The following CTTNBP2 variants were observed in gnomAD, a reference collection of about 807,000 sequenced individuals.
CTTNBP2 encodes cortactin binding protein 2, also known as cortactin-binding protein 2.
CTTNBP2 carries 108 observed loss-of-function variants against 156.9 expected under a neutral mutation model. That is an observed-to-expected ratio of 0.69 (90% CI 0.59 to 0.81). CTTNBP2 has a LOEUF of 0.81. Ranked by LOEUF, CTTNBP2 falls within the 30% of genes least tolerant of loss-of-function variation. The pLI is 0.00. For synonymous variants in CTTNBP2, 767 were observed against 751.8 expected (o/e 1.02, Z -0.33); for missense variants, 1,924 against 2,035.4 (o/e 0.95, Z 1.05).
chr7:117,869,391 T>C (rs1375607312), intron 1 of CTTNBP2, among the ~76,000 whole-genome samples: 2 of 152,220 alleles, frequency 1.3e-5, no homozygotes, highest in African/African-American at 2.4e-5. Flanking sequence ...TGAGCTTCTT[T>C]TCATTTTCTT....
chr7:117,769,363 A>C lies in CTTNBP2; in HGVS notation c.2779-2187T>G, dbSNP rs34918603. 1.5e-3 allele frequency among the ~76,000 whole-genome samples: 235 copies of C among 152,322 alleles called. 1 individual carries two copies. The highest frequency in any genetic ancestry group is 4.7e-3 in the African/African-American group (194 of 41,586). The stretch of plus-strand genomic sequence containing the variant: ...AGACAGAACCTTCTTGGATGGTGGA[A>C]GGATAGGAAACTGGGCCTTGGGTTT... On this transcript the variant is annotated intron_variant, in intron 8 of 22. Coordinates refer to ENST00000160373, the MANE Select transcript of CTTNBP2 (RefSeq NM_033427.3).
chr7:117,768,581 A>AAAGAAAGAAAG (rs1554419707), intron 8 of CTTNBP2, among the ~76,000 whole-genome samples: 4 of 99,112 alleles, frequency 4.0e-5, no homozygotes, highest in African/African-American at 1.4e-4. Flanking sequence ...AAAAAAAAAA[A>AAAGAAAGAAAG]AAAGAAAGAA....
At chr7:117,806,265 T>C (rs913238837) in intron 3 of CTTNBP2, among the ~76,000 whole-genome samples, 1 of 152,154 alleles carries the variant, frequency 6.6e-6, no homozygotes. Context: ...ACCAAACACA[T>C]GGTTTTATAG....
chr7:117,810,427 A>C (rs373891290), intron 3 of CTTNBP2, among the ~76,000 whole-genome samples: 11 of 152,350 alleles, frequency 7.2e-5, no homozygotes, highest in African/African-American at 2.6e-4. Flanking sequence ...TGGTTGCATC[A>C]CTGGATTAAC....
intron 4 of CTTNBP2, among the ~76,000 whole-genome samples, chr7:117,785,393 T>C (rs899877997): frequency 5.9e-5 from 9 of 152,188 alleles, no homozygotes; most frequent in African/African-American, 9.6e-5. Flanking sequence ...ATATAGATAT[T>C]TGTGTATTTT....
intron 3 of CTTNBP2, among the ~76,000 whole-genome samples, chr7:117,802,922 T>C (rs954700148): frequency 1.3e-5 from 2 of 152,194 alleles, no homozygotes; most frequent in African/African-American, 4.8e-5. Context: ...AGGACACTTA[T>C]ACACTGTCGG....
At chr7:117,807,696 T>G (rs1489328282) in intron 3 of CTTNBP2, among the ~76,000 whole-genome samples, 1 of 152,136 alleles carries the variant, frequency 6.6e-6, no homozygotes, top group Non-Finnish European at 1.5e-5. Flanking sequence ...GAGGGACCAC[T>G]CAGGATCTGG....
intron 2 of CTTNBP2, among the ~76,000 whole-genome samples, chr7:117,849,821 A>C (rs1454772972): frequency 1.3e-5 from 2 of 152,174 alleles, no homozygotes; most frequent in East Asian, 3.9e-4. Flanking sequence ...CCAGCCCTGC[A>C]TTCTAATTAG....
chr7:117,719,095 G>C (rs1719042641), intron 21 of CTTNBP2, among the ~76,000 whole-genome samples: 1 of 152,168 alleles, frequency 6.6e-6, no homozygotes, highest in African/African-American at 2.4e-5. Flanking sequence ...AGCTACTTGG[G>C]AGGCTGAGGC....
intron 2 of CTTNBP2, among the ~76,000 whole-genome samples, chr7:117,852,709 T>C (rs1356705462): frequency 1.3e-5 from 2 of 152,224 alleles, no homozygotes; most frequent in East Asian, 3.8e-4. Context: ...GAACAGCAAA[T>C]GAATGATTAA....
chr7:117,836,481 A>T (rs141006819), intron 2 of CTTNBP2, among the ~76,000 whole-genome samples: 12 of 152,140 alleles, frequency 7.9e-5, no homozygotes, highest in East Asian at 1.9e-4. Context: ...GGAGAATGGC[A>T]TGAACCCAGA....
intron 14 of CTTNBP2, among the ~76,000 whole-genome samples, chr7:117,739,309 G>A (rs981096141): frequency 1.3e-5 from 2 of 152,314 alleles, no homozygotes; most frequent in South Asian, 2.1e-4. Flanking sequence ...CTTATGGAGA[G>A]GTGAAAGAAG....
At chr7:117,802,175 G>A (rs1293550642) in intron 3 of CTTNBP2, among the ~76,000 whole-genome samples, 1 of 149,822 alleles carries the variant, frequency 6.7e-6, no homozygotes, top group Non-Finnish European at 1.5e-5. Flanking sequence ...TTTTGTTCTT[G>A]CGATAGTTTA....
At chr7:117,780,893 A>C (rs1378359375) in intron 6 of CTTNBP2, among the ~76,000 whole-genome samples, 5 of 152,232 alleles carry the variant, frequency 3.3e-5, no homozygotes, top group Non-Finnish European at 2.9e-5. Flanking sequence ...TTAGAATTTA[A>C]CTTACTGGGA....
intron 2 of CTTNBP2, among the ~76,000 whole-genome samples, chr7:117,841,412 C>T (rs1319206774): frequency 1.3e-5 from 2 of 151,530 alleles, no homozygotes; most frequent in African/African-American, 4.9e-5. Flanking sequence ...ACTCTACTTT[C>T]TGTCTTTTTT....
chr7:117,851,851 A>T lies in CTTNBP2; in HGVS notation c.189+9358T>A, dbSNP rs116165118. 9.9e-3 allele frequency among the ~76,000 whole-genome samples: 1,503 copies of T among 152,328 alleles called. 28 individuals are homozygous for T. Among genetic ancestry groups the T allele is most frequent in the African/African-American group, 0.034 (1,409 of 41,564 alleles). On this transcript the variant is annotated intron_variant, in intron 2 of 22. Transcript: ENST00000160373. Reference sequence around the variant, plus strand: ...TATTTTGTCAAGAAACTCCAGAAGGAAGCCCAATACACTTTTGAGACTTTT... The same window carrying T: ...TATTTTGTCAAGAAACTCCAGAAGGTAGCCCAATACACTTTTGAGACTTTT...
rs756891061 is a variant in CTTNBP2 at position 117,757,963 on chromosome 7, C to G, written c.3180G>C (p.Val1060=). 1.2e-6 allele frequency: 2 copies of G among 1,611,598 alleles called. No individual in the cohort carries two copies. The highest frequency in any genetic ancestry group is 2.7e-5 in the African/African-American group (2 of 74,776). ...CGAAGCTCTGACCCACTGACCACGG[C>G]ACATTTCCTAGTTTCAAAAAATGAA... is the stretch of plus-strand genomic sequence containing the variant. ...RSIRSITLGN[V]PWSVGQSFAQ... is the part of the protein sequence containing the mutation. Residue 1060 remains valine (V), a synonymous_variant, in exon 11 of 23, where the codon GTG becomes GTC. Coordinates refer to ENST00000160373, the MANE Select transcript of CTTNBP2 (RefSeq NM_033427.3).
chr7:117,803,186 C>T (rs35295717), intron 3 of CTTNBP2, among the ~76,000 whole-genome samples: 3,808 of 152,184 alleles, frequency 0.025, 132 homozygotes, highest in African/African-American at 0.086. Flanking sequence ...ACACCATATA[C>T]GCCATACGTA....
At chr7:117,773,808 G>A (rs1797945152) in intron 8 of CTTNBP2, among the ~76,000 whole-genome samples, 1 of 151,962 alleles carries the variant, frequency 6.6e-6, no homozygotes, top group Non-Finnish European at 1.5e-5. Context: ...AGGGAGAGAG[G>A]AGTATGCATT....
Sources: allele counts gnomAD v4.1 joint callset (sites outside exome capture counted in the v4.1 genomes callset), GRCh38; gene constraint gnomAD v4.1.1; transcripts MANE v1.5; gene names NCBI Gene and HGNC (gene_info 2026-07-23, HGNC 2026-07-21).